The following ZNF804B variants were observed in gnomAD, a reference collection of about 807,000 sequenced individuals.
The protein encoded by ZNF804B is zinc finger protein 804B.
ZNF804B carries 80 observed loss-of-function variants against 101.4 expected under a neutral mutation model. That is an observed-to-expected ratio of 0.79 (90% CI 0.66 to 0.95). The LOEUF is 0.95. Among genes scored for constraint, ZNF804B ranks in the 40% least tolerant of loss-of-function variants. The pLI is 0.00. For synonymous variants in ZNF804B, 622 were observed against 558.8 expected, an observed-to-expected ratio of 1.11 and a Z score of -1.59; for missense variants, 1,673 against 1,561.9, an observed-to-expected ratio of 1.07 and a Z score of -1.20.
intron 1 of ZNF804B, among the ~76,000 whole-genome samples, chr7:89,124,327 C>G (rs910861740): frequency 6.6e-6 from 1 of 152,096 alleles, no homozygotes; most frequent in Non-Finnish European, 1.5e-5. Flanking sequence ...CTCTATCCTA[C>G]GCAGAAGAGC....
chr7:88,955,124 T>A (rs1205044552), intron 1 of ZNF804B, among the ~76,000 whole-genome samples: 1 of 150,706 alleles, frequency 6.6e-6, no homozygotes, highest in African/African-American at 2.4e-5. Context: ...GAAAAAAAAG[T>A]TTTTTTCTTT....
chr7:89,069,975 A>G (rs1439732401), intron 1 of ZNF804B, among the ~76,000 whole-genome samples: 1 of 152,226 alleles, frequency 6.6e-6, no homozygotes, highest in Non-Finnish European at 1.5e-5. Flanking sequence ...GTACCTTATT[A>G]TTAAGTGTAT....
intron 2 of ZNF804B, among the ~76,000 whole-genome samples, chr7:89,267,255 C>T (rs187900289): frequency 6.6e-6 from 1 of 152,240 alleles, no homozygotes; most frequent in Non-Finnish European, 1.5e-5. Context: ...TTCCCTCTCT[C>T]CTTTGTGAAC....
At chr7:89,299,307 C>T (rs1474786882) in intron 2 of ZNF804B, among the ~76,000 whole-genome samples, 2 of 152,014 alleles carry the variant, frequency 1.3e-5, no homozygotes, top group African/African-American at 4.8e-5. Flanking sequence ...TCAGGTCACA[C>T]AGCCCAAATG....
At chr7:88,806,308 C>T (rs909823668) in intron 1 of ZNF804B, among the ~76,000 whole-genome samples, 2 of 152,028 alleles carry the variant, frequency 1.3e-5, no homozygotes, top group African/African-American at 4.8e-5. Flanking sequence ...AGCTATACAA[C>T]TTGAGTATAG....
At chr7:89,157,146 T>A (rs1282380338) in intron 1 of ZNF804B, among the ~76,000 whole-genome samples, 5 of 152,208 alleles carry the variant, frequency 3.3e-5, no homozygotes, top group African/African-American at 1.2e-4. Flanking sequence ...TTAAAACAAA[T>A]GCCTAGGGTA....
At chr7:88,819,585 C>T (rs955700208) in intron 1 of ZNF804B, among the ~76,000 whole-genome samples, 1 of 152,108 alleles carries the variant, frequency 6.6e-6, no homozygotes. Flanking sequence ...TTGAATGTTT[C>T]CTGCTTACTG....
intron 1 of ZNF804B, among the ~76,000 whole-genome samples, chr7:88,907,932 G>A (rs572876495): frequency 5.3e-5 from 8 of 152,004 alleles, no homozygotes; most frequent in African/African-American, 1.9e-4. Flanking sequence ...TTGACTATTT[G>A]ACTAAATTGG....
chr7:89,025,537 T>C (rs970659154), intron 1 of ZNF804B, among the ~76,000 whole-genome samples: 1 of 152,098 alleles, frequency 6.6e-6, no homozygotes, highest in African/African-American at 2.4e-5. Context: ...ACTATAAACG[T>C]CCCAGAAAAA....
chr7:89,053,605 G>T (rs1448262824), intron 1 of ZNF804B, among the ~76,000 whole-genome samples: 1 of 151,846 alleles, frequency 6.6e-6, no homozygotes, highest in Non-Finnish European at 1.5e-5. Context: ...ATTGTTTTTG[G>T]CTATAGTCAT....
intron 1 of ZNF804B, among the ~76,000 whole-genome samples, chr7:88,982,052 T>A (rs1793700711): frequency 6.6e-6 from 1 of 152,050 alleles, no homozygotes; most frequent in Admixed American, 6.6e-5. Flanking sequence ...AGGGTTCTAT[T>A]TGACTGTCTT....
At chr7:88,942,043 A>G (rs772246231) in intron 1 of ZNF804B, among the ~76,000 whole-genome samples, 1 of 151,962 alleles carries the variant, frequency 6.6e-6, no homozygotes, top group Non-Finnish European at 1.5e-5. Flanking sequence ...TCTCTGAAAC[A>G]GAAATTCAGT....
Position 89,080,295 on chromosome 7 carries a change from A to C in ZNF804B, c.109-137860A>C, listed in dbSNP as rs200306518. 4.4e-5 allele frequency among the ~76,000 whole-genome samples: 3 copies of C among 68,760 alleles called. No homozygotes were observed. The Admixed American group carries it at 4.5e-4, about 10-fold the overall frequency. The allele number at this position is 68,760 out of a possible 152,430, so 45.1% of individuals were successfully genotyped here. ...CACATAGCTTCAGTCTCTTCACCTT[A>C]AAAAAAAAAAAGTATATCATTTGCT... On this transcript the variant is annotated intron_variant, in intron 1 of 3. Transcript: ENST00000333190.
intron 1 of ZNF804B, among the ~76,000 whole-genome samples, chr7:89,217,581 G>A (rs1168993928): frequency 6.6e-6 from 1 of 152,178 alleles, no homozygotes; most frequent in Non-Finnish European, 1.5e-5. Context: ...AGCCAAAACT[G>A]TTTTAAGTGG....
intron 1 of ZNF804B, among the ~76,000 whole-genome samples, chr7:88,776,529 G>C (rs917822961): frequency 7.6e-6 from 1 of 131,348 alleles, no homozygotes; most frequent in African/African-American, 2.8e-5. Flanking sequence ...TGATACATTT[G>C]TAGTGGCTTT....
intron 1 of ZNF804B, among the ~76,000 whole-genome samples, chr7:88,833,869 T>A (rs991407051): frequency 1.3e-5 from 2 of 151,852 alleles, no homozygotes; most frequent in Admixed American, 6.6e-5. Flanking sequence ...CTTAGTGCAT[T>A]TTTATACTTA....
chr7:89,212,704 GTTGTCTT>G (rs1471657101), intron 1 of ZNF804B, among the ~76,000 whole-genome samples: 1 of 152,086 alleles, frequency 6.6e-6, no homozygotes, highest in Non-Finnish European at 1.5e-5. Context: ...CCTCTCTTAG[GTTGTCTT>G]AGGTGTCTTA....
Position 88,912,576 on chromosome 7 carries a change from T to C in ZNF804B, c.108+152492T>C, listed in dbSNP as rs115683624. Among the ~76,000 whole-genome samples the C allele has an allele frequency of 6.2e-3, 947 of 152,236 alleles. 18 individuals are homozygous for C. The highest frequency in any genetic ancestry group is 0.022 in the African/African-American group (895 of 41,570). ...GTCTATGTTCGTCTTGGGTAAACTT[T>C]TGTGTATAGAGTGAGATAAAGGCCA... On this transcript the variant is annotated intron_variant, in intron 1 of 3. Transcript: ENST00000333190.
intron 1 of ZNF804B, among the ~76,000 whole-genome samples, chr7:88,926,840 G>T (rs1459823360): frequency 6.6e-6 from 1 of 151,200 alleles, no homozygotes; most frequent in Non-Finnish European, 1.5e-5. Flanking sequence ...TAAGATAACA[G>T]CAACTAGCAA....
Sources: allele counts gnomAD v4.1 joint callset (sites outside exome capture counted in the v4.1 genomes callset), GRCh38; gene constraint gnomAD v4.1.1; transcripts MANE v1.5; gene names NCBI Gene and HGNC (gene_info 2026-07-23, HGNC 2026-07-21).